The following NELL1 variants were observed in gnomAD, a reference collection of about 807,000 sequenced individuals.
The protein encoded by NELL1 is neural EGFL like 1, also known as protein kinase C-binding protein NELL1.
In NELL1, 76 loss-of-function variants were observed where a neutral mutation model predicts 107.4. The ratio of observed to expected loss-of-function variants is 0.71; its 90% CI spans 0.59 to 0.86. The LOEUF (loss-of-function observed/expected upper bound fraction) is 0.86. Among genes scored for constraint, NELL1 ranks in the 40% least tolerant of loss-of-function variants. The pLI is 0.00. For missense variants in NELL1, 1,024 were observed against 1,005.5 expected (o/e 1.02, Z -0.25); for synonymous variants, 353 against 341.2 (o/e 1.03, Z -0.38).
At chr11:20,767,558 C>T (rs1044912083) in intron 2 of NELL1, among the ~76,000 whole-genome samples, 2 of 152,162 alleles carry the variant, frequency 1.3e-5, no homozygotes, top group African/African-American at 4.8e-5. Flanking sequence ...ATTTACAATC[C>T]TTTAGCTAGA....
intron 13 of NELL1, among the ~76,000 whole-genome samples, chr11:21,150,703 C>A (rs995521760): frequency 6.6e-6 from 1 of 152,202 alleles, no homozygotes; most frequent in African/African-American, 2.4e-5. Context: ...GGACAGCACA[C>A]TACTCTTTCA....
intron 12 of NELL1, among the ~76,000 whole-genome samples, chr11:20,983,028 GGAAA>G: frequency 6.6e-6 from 1 of 152,220 alleles, no homozygotes; most frequent in South Asian, 2.1e-4. Context: ...ATAATACAGT[GGAAA>G]GAGACCTTCA....
chr11:21,307,830 C>A (rs752100785), intron 14 of NELL1, among the ~76,000 whole-genome samples: 2 of 152,054 alleles, frequency 1.3e-5, no homozygotes, highest in Admixed American at 1.3e-4. Context: ...TCAATATGAA[C>A]CCAAGGTCAA....
At position 21,570,875 on chromosome 11, in the gene NELL1, A is replaced by G. The variant is rs1857085634; in HGVS notation, c.2092A>G (p.Asn698Asp). The change falls in exon 18 of 20, where the codon AAT becomes GAT. Residue 698 changes from asparagine to aspartate, a missense_variant. Physicochemically the swap from Asn to Asp is conservative, Grantham distance 23. Transcript: ENST00000357134. ...AGTCACAAGTCAATGTTTAGACCAA[A>G]ATGGTCACAAGCTGTATCGAAGTGG... is the stretch of plus-strand genomic sequence containing the variant. ...TRVTSQCLDQNGHKLYRSGDN... is the reference protein window; with the variant it reads ...TRVTSQCLDQDGHKLYRSGDN... 3 of 1,611,972 alleles carry G rather than the reference A, an allele frequency of 1.9e-6. No homozygotes were observed. The African/African-American group carries it at 4.0e-5, about 22-fold the overall frequency.
intron 15 of NELL1, among the ~76,000 whole-genome samples, chr11:21,381,575 T>C (rs1851607635): frequency 6.6e-6 from 1 of 151,916 alleles, no homozygotes; most frequent in African/African-American, 2.4e-5. Context: ...GGGATAAAAT[T>C]GAGACTCAGA....
chr11:21,006,562 T>G (rs1852331097), intron 12 of NELL1, among the ~76,000 whole-genome samples: 1 of 152,130 alleles, frequency 6.6e-6, no homozygotes, highest in African/African-American at 2.4e-5. Flanking sequence ...TTGCCTGGAA[T>G]CTCTAAGACT....
intron 14 of NELL1, among the ~76,000 whole-genome samples, chr11:21,269,853 G>A (rs1405005719): frequency 6.6e-6 from 1 of 151,986 alleles, no homozygotes; most frequent in African/African-American, 2.4e-5. Flanking sequence ...CAATGTATTC[G>A]ATTATATACT....
At chr11:21,309,284 A>AG (rs1849686390) in intron 14 of NELL1, among the ~76,000 whole-genome samples, 1 of 62,782 alleles carries the variant, frequency 1.6e-5, no homozygotes, top group South Asian at 8.2e-4. Context: ...ATATATGTAT[A>AG]TATATATATA....
At chr11:21,462,936 T>C (rs1471241059) in intron 15 of NELL1, among the ~76,000 whole-genome samples, 1 of 152,140 alleles carries the variant, frequency 6.6e-6, no homozygotes, top group East Asian at 1.9e-4. Context: ...TTGGATACCA[T>C]TTAAGCAGGA....
In NELL1 at chr11:20,860,477, T is replaced by C. The variant is rs149027860; in HGVS notation, c.506+12724T>C. Among the ~76,000 whole-genome samples the C allele has an allele frequency of 6.3e-3, 964 of 152,326 alleles. 14 individuals are homozygous for C. Among genetic ancestry groups the C allele is most frequent in the South Asian group, 0.038 (182 of 4,828 alleles). On this transcript the variant is annotated intron_variant, in intron 4 of 19. Transcript: ENST00000357134. ...CGATGGCTTCATTAGTGAATTGTTA[T>C]TTCTTTGCCTCAGTCTCCTCATCTG... is the stretch of plus-strand genomic sequence containing the variant.
At chr11:20,743,878 A>G (rs1303356239) in intron 2 of NELL1, among the ~76,000 whole-genome samples, 3 of 152,152 alleles carry the variant, frequency 2.0e-5, no homozygotes, top group Admixed American at 2.0e-4. Flanking sequence ...TGCCAAAACT[A>G]TCCACTCTCC....
At chr11:21,471,973 G>A (rs1041557905) in intron 15 of NELL1, among the ~76,000 whole-genome samples, 10 of 151,938 alleles carry the variant, frequency 6.6e-5, no homozygotes, top group Non-Finnish European at 1.5e-4. Flanking sequence ...AAGAAACAAG[G>A]TACAGTACAT....
At chr11:21,310,687 G>A (rs1400523163) in intron 14 of NELL1, among the ~76,000 whole-genome samples, 1 of 152,074 alleles carries the variant, frequency 6.6e-6, no homozygotes, top group East Asian at 1.9e-4. Context: ...TCTAACACAG[G>A]ATGCGATTTG....
chr11:21,489,380 C>CAAAAGAAAAA (rs1854732815), intron 15 of NELL1, among the ~76,000 whole-genome samples: 1 of 47,800 alleles, frequency 2.1e-5, no homozygotes, highest in Non-Finnish European at 4.0e-5. Flanking sequence ...GAAAGTATTT[C>CAAAAGAAAAA]AAAAAAAAAA....
At chr11:21,125,093 T>G (rs2133748391) in intron 13 of NELL1, among the ~76,000 whole-genome samples, 1 of 152,302 alleles carries the variant, frequency 6.6e-6, no homozygotes, top group South Asian at 2.1e-4. Context: ...TGCTGTGTTC[T>G]TCCTGGCAGC....
At chr11:21,162,998 A>G (rs1177215274) in intron 13 of NELL1, among the ~76,000 whole-genome samples, 1 of 152,218 alleles carries the variant, frequency 6.6e-6, no homozygotes, top group African/African-American at 2.4e-5. Context: ...ATTTTAAATG[A>G]TTGCACTGAG....
At chr11:21,159,011 C>A (rs1340197659) in intron 13 of NELL1, among the ~76,000 whole-genome samples, 1 of 152,104 alleles carries the variant, frequency 6.6e-6, no homozygotes, top group Non-Finnish European at 1.5e-5. Flanking sequence ...TGCTGCCGAT[C>A]TGCTTTTGAT....
rs772946095 is a variant in NELL1, at chr11:20,677,930, A to G, written c.56-2A>G. On this transcript the variant is annotated splice_acceptor_variant, in intron 1 of 19. Transcript: ENST00000357134. LOFTEE classifies it high-confidence loss of function. ...CCCAAACAACTCTTTGTTCCTTTCC[A>G]GTGGTGGGCTTTGGGATGGACCCTG... The G allele has an allele frequency of 6.2e-7, 1 of 1,613,946 alleles. No individual in the cohort carries two copies.
At chr11:20,701,621 C>G (rs574980447) in intron 2 of NELL1, among the ~76,000 whole-genome samples, 1 of 152,214 alleles carries the variant, frequency 6.6e-6, no homozygotes, top group East Asian at 1.9e-4. Flanking sequence ...AGGTTTTCTT[C>G]TAGGGTTTTT....
Sources: allele counts gnomAD v4.1 joint callset (sites outside exome capture counted in the v4.1 genomes callset), GRCh38; gene constraint gnomAD v4.1.1; transcripts MANE v1.5; gene names NCBI Gene and HGNC (gene_info 2026-07-23, HGNC 2026-07-21).